Variants in RAB3GAP1 observed in about 807,000 individuals in gnomAD.
The protein encoded by RAB3GAP1 is RAB3 GTPase activating protein catalytic subunit 1.
In RAB3GAP1, 86 loss-of-function variants were observed where a neutral mutation model predicts 130.7. The ratio of observed to expected loss-of-function variants is 0.66; its 90% confidence interval spans 0.55 to 0.79. The LOEUF is 0.79. Among genes scored for constraint, RAB3GAP1 ranks in the 30% least tolerant of loss-of-function variants. The probability of loss-of-function intolerance (pLI) is 0.00; values close to 1 mark genes in which losing one functional copy is unlikely to be tolerated. For missense variants in RAB3GAP1, 1,029 were observed against 1,169.4 expected (o/e 0.88, Z 1.75); for synonymous variants, 367 against 401.7 (o/e 0.91, Z 1.03).
At chr2:135,064,997 A>C (rs2104832470) in intron 3 of RAB3GAP1, among the ~76,000 whole-genome samples, 1 of 151,550 alleles carries the variant, frequency 6.6e-6, no homozygotes, top group South Asian at 2.1e-4. Flanking sequence ...GCAGCAGCTG[A>C]AATCTTTTCT....
intron 17 of RAB3GAP1, among the ~76,000 whole-genome samples, chr2:135,141,167 G>A (rs1691827151): frequency 6.8e-6 from 1 of 148,056 alleles, no homozygotes; most frequent in South Asian, 2.2e-4. Context: ...CATATATTCT[G>A]GATATGAGTC....
chr2:135,160,257 T>C (rs1335094938), intron 19 of RAB3GAP1, among the ~76,000 whole-genome samples: 2 of 152,156 alleles, frequency 1.3e-5, no homozygotes, highest in African/African-American at 4.8e-5. Context: ...AAAATGCCAA[T>C]GTTATAAAAG....
At chr2:135,165,754 G>T (rs540206314) in intron 23 of RAB3GAP1, among the ~76,000 whole-genome samples, 1 of 152,246 alleles carries the variant, frequency 6.6e-6, no homozygotes, top group East Asian at 1.9e-4. Context: ...AACAAGAACC[G>T]AGTTTGGTTC....
At chr2:135,119,559 A>C (rs62170242) in intron 7 of RAB3GAP1, among the ~76,000 whole-genome samples, 6,405 of 152,308 alleles carry the variant, frequency 0.042, 159 homozygotes, top group African/African-American at 0.056. Flanking sequence ...ATGACTAAAA[A>C]GTTGATATAC....
chr2:135,113,318 A>G lies in RAB3GAP1; in HGVS notation c.482+48A>G, dbSNP rs752857126. Reference sequence around the variant, plus strand: ...CTAGACAAAAAAACTGTTTTTAACAATAATTTATGAAGGCAAACAGTTATT... The same window carrying G: ...CTAGACAAAAAAACTGTTTTTAACAGTAATTTATGAAGGCAAACAGTTATT... On this transcript the variant is annotated intron_variant, in intron 6 of 23. Transcript: ENST00000264158. The G allele has an allele frequency of 4.4e-6, 7 of 1,599,320 alleles. No individual in the cohort carries two copies. In the East Asian group the frequency reaches 1.1e-4, roughly 25 times the overall value.
chr2:135,126,473 T>C, intron 10 of RAB3GAP1, 110 bp from the exon 11 acceptor site: 1 of 1,128,010 alleles, frequency 8.9e-7, no homozygotes, highest in South Asian at 1.3e-5. Context: ...TAAGGGAGGC[T>C]AAATGGATTG....
In RAB3GAP1 at chr2:135,164,192, T is replaced by G. The variant is rs149252801; in HGVS notation, c.2607-402T>G. Among the ~76,000 whole-genome samples the G allele has an allele frequency of 3.0e-3, 452 of 152,308 alleles. 3 individuals are homozygous for G. The highest frequency in any genetic ancestry group is 0.01 in the African/African-American group (421 of 41,576). ...ACGTGTGCGTGCACACACAGACACA[T>G]ACCCCTTAAAAAAAACAAAAACAAA... On this transcript the variant is annotated intron_variant, in intron 22 of 23. Transcript: ENST00000264158.
At chr2:135,065,866 G>T (rs899396578) in intron 3 of RAB3GAP1, among the ~76,000 whole-genome samples, 1 of 151,250 alleles carries the variant, frequency 6.6e-6, no homozygotes, top group Non-Finnish European at 1.5e-5. Context: ...TGCCTCCCAG[G>T]TTCGAGTGAT....
intron 19 of RAB3GAP1, among the ~76,000 whole-genome samples, chr2:135,156,782 T>C (rs1014888009): frequency 1.3e-5 from 2 of 152,134 alleles, no homozygotes; most frequent in Non-Finnish European, 2.9e-5. Flanking sequence ...TTAGCTAGTG[T>C]AATTAGCAAG....
intron 5 of RAB3GAP1, among the ~76,000 whole-genome samples, chr2:135,098,369 T>A (rs1313334476): frequency 6.6e-6 from 1 of 152,218 alleles, no homozygotes; most frequent in African/African-American, 2.4e-5. Flanking sequence ...CTGTAACTTA[T>A]CTTTTAATTT....
intron 3 of RAB3GAP1, among the ~76,000 whole-genome samples, chr2:135,080,979 T>G (rs922566345): frequency 6.6e-6 from 1 of 152,156 alleles, no homozygotes; most frequent in Non-Finnish European, 1.5e-5. Context: ...GTTCAATGAT[T>G]AGAAACTATT....
chr2:135,148,045 G>A (rs1013425504), intron 17 of RAB3GAP1, among the ~76,000 whole-genome samples: 1 of 151,992 alleles, frequency 6.6e-6, no homozygotes, highest in Non-Finnish European at 1.5e-5. Flanking sequence ...GTCTAAATCT[G>A]GACTGACTTA....
At chr2:135,062,372 A>G (rs1319977280) in intron 3 of RAB3GAP1, among the ~76,000 whole-genome samples, 1 of 152,254 alleles carries the variant, frequency 6.6e-6, no homozygotes, top group Non-Finnish European at 1.5e-5. Flanking sequence ...CAGTTGTGAC[A>G]ACCAAAATTG....
At chr2:135,074,692 G>A (rs1689573166) in intron 3 of RAB3GAP1, among the ~76,000 whole-genome samples, 1 of 152,214 alleles carries the variant, frequency 6.6e-6, no homozygotes. Flanking sequence ...GCCACTGGTT[G>A]GGGCCAGTGT....
intron 19 of RAB3GAP1, among the ~76,000 whole-genome samples, chr2:135,159,206 C>T (rs747628997): frequency 5.3e-5 from 8 of 152,174 alleles, no homozygotes; most frequent in Non-Finnish European, 1.0e-4. Flanking sequence ...ATACTCCACC[C>T]TCAAGGAGGT....
intron 5 of RAB3GAP1, among the ~76,000 whole-genome samples, chr2:135,100,993 A>G (rs778685423): frequency 2.0e-5 from 3 of 152,222 alleles, no homozygotes; most frequent in Admixed American, 1.3e-4. Flanking sequence ...TAAGTTAGGT[A>G]AAAAGATACT....
Position 135,108,327 on chromosome 2 carries a change from G to C in RAB3GAP1, c.363-4824G>C, listed in dbSNP as rs1296190957. 2.0e-5 allele frequency among the ~76,000 whole-genome samples: 3 copies of C among 152,074 alleles called. No homozygotes were observed. In the East Asian group the frequency reaches 5.8e-4, roughly 29 times the overall value. On this transcript the variant is annotated intron_variant, in intron 5 of 23. Coordinates refer to ENST00000264158, the MANE Select transcript of RAB3GAP1 (RefSeq NM_012233.3). ...ACATTTGATCTCCTAATAAATTTAA[G>C]TTACTGGGCTAGAAATTGTAGGAAA... is the stretch of plus-strand genomic sequence containing the variant.
rs754994459 is a variant in RAB3GAP1 at position 135,115,332 on chromosome 2, A to G, written c.599A>G (p.Asn200Ser). The change falls in exon 7 of 24, where the codon AAT becomes AGT. Residue 200 changes from asparagine to serine, a missense_variant. Transcript: ENST00000264158. ...FEMVHLRKVPNQYTHLSGLLD... is the reference protein window; with the variant it reads ...FEMVHLRKVPSQYTHLSGLLD... The stretch of plus-strand genomic sequence containing the variant: ...ATGGTTCATCTTAGAAAAGTGCCAA[A>G]TCAGTACACTCACTTATCAGGTCTG... 2 of 1,613,920 alleles carry G rather than the reference A, an allele frequency of 1.2e-6. No homozygotes were observed. The highest frequency in any genetic ancestry group is 1.7e-6 in the Non-Finnish European group (2 of 1,179,808).
Position 135,164,463 on chromosome 2 carries a change from C to G in RAB3GAP1, c.2607-131C>G. 7 of 703,786 alleles carry G rather than the reference C, an allele frequency of 9.9e-6. No individual in the cohort carries two copies. The South Asian group carries it at 1.1e-4, about 11-fold the overall frequency. 43.6% of individuals were successfully genotyped at this position (703,786 alleles called of 1,614,324 possible). A position where few individuals can be genotyped will look rare whatever the true frequency, so the allele number is the denominator to read the frequency against. ...TCAATCTTATCTTGCTGTAAAATTT[C>G]ACTCCAACCTTGTTGGGTTTAGCCA... On this transcript the variant is annotated intron_variant, in intron 22 of 23. Transcript: ENST00000264158.
Sources: allele counts gnomAD v4.1 joint callset (sites outside exome capture counted in the v4.1 genomes callset), GRCh38; gene constraint gnomAD v4.1.1; transcripts MANE v1.5; gene names NCBI Gene and HGNC (gene_info 2026-07-23, HGNC 2026-07-21).